The following RBFOX1 variants were observed in gnomAD, a reference collection of about 807,000 sequenced individuals.
RBFOX1 encodes RNA binding protein fox-1 homolog 1.
Under a neutral mutation model 57.7 loss-of-function variants are expected in RBFOX1, and 8 were observed. The observed-to-expected ratio is 0.14, with a 90% CI of 0.08 to 0.25. The LOEUF (loss-of-function observed/expected upper bound fraction) is 0.25, where lower values mean the gene tolerates loss of function less well. RBFOX1 is among the 10% of genes least tolerant of loss of function. The pLI is 1.00. For missense variants in RBFOX1, 611 were observed against 548.5 expected, an observed-to-expected ratio of 1.11 and a Z score of -1.14; for synonymous variants, 326 against 222.4, an observed-to-expected ratio of 1.47 and a Z score of -4.15.
chr16:6,859,174 T>TACGTATATATATATGTATATATATAC (rs778753196), intron 3 of RBFOX1, among the ~76,000 whole-genome samples: 1 of 65,104 alleles, frequency 1.5e-5, no homozygotes, highest in African/African-American at 8.6e-5. Flanking sequence ...CGTATATATA[T>TACGTATATATATATGTATATATATAC]GTATATATAT....
At chr16:5,681,162 C>T (rs28376685) in intron 3 of RBFOX1, among the ~76,000 whole-genome samples, 33,015 of 151,338 alleles carry the variant, frequency 0.22, 4,142 homozygotes, top group East Asian at 0.57. Context: ...CAAGCTCCAC[C>T]TCCTGGGTTC....
intron 4 of RBFOX1, among the ~76,000 whole-genome samples, chr16:7,437,669 G>C (rs1203401247): frequency 2.0e-5 from 3 of 152,062 alleles, no homozygotes; most frequent in Admixed American, 2.0e-4. Context: ...GATTAAGGCC[G>C]GAGTAGGCAA....
At chr16:7,333,071 C>T (rs765010942) in intron 4 of RBFOX1, 4 of 1,613,758 alleles carry the variant, frequency 2.5e-6, no homozygotes, top group African/African-American at 1.3e-5. Context: ...AGCTCCTTAC[C>T]TTCCTGGACT....
intron 14 of RBFOX1, among the ~76,000 whole-genome samples, chr16:7,685,831 A>G (rs2075950605): frequency 6.6e-6 from 1 of 152,054 alleles, no homozygotes. Flanking sequence ...CAAGATTTGA[A>G]ATCAGATCTT....
chr16:6,409,967 A>G (rs2093404311), intron 2 of RBFOX1, among the ~76,000 whole-genome samples: 1 of 152,070 alleles, frequency 6.6e-6, no homozygotes, highest in Non-Finnish European at 1.5e-5. Flanking sequence ...AAAATCAGCC[A>G]CTGCCAGAGG....
intron 4 of RBFOX1, among the ~76,000 whole-genome samples, chr16:7,131,702 C>G (rs999296870): frequency 6.6e-6 from 1 of 151,846 alleles, no homozygotes; most frequent in Non-Finnish European, 1.5e-5. Context: ...GACAGTAAGC[C>G]AAGCATAACC....
At chr16:5,744,064 G>T (rs2052880688) in intron 3 of RBFOX1, among the ~76,000 whole-genome samples, 2 of 152,060 alleles carry the variant, frequency 1.3e-5, no homozygotes, top group Non-Finnish European at 2.9e-5. Context: ...GGTCTGGGCT[G>T]GGAAGTGCTT....
At chr16:6,431,021 C>G (rs2094066535) in intron 2 of RBFOX1, among the ~76,000 whole-genome samples, 2 of 151,356 alleles carry the variant, frequency 1.3e-5, no homozygotes, top group African/African-American at 4.9e-5. Context: ...ACCTGTAGTC[C>G]CAGCTACTTG....
intron 4 of RBFOX1, among the ~76,000 whole-genome samples, chr16:5,921,225 A>G (rs1240265793): frequency 6.6e-6 from 1 of 152,236 alleles, no homozygotes; most frequent in Non-Finnish European, 1.5e-5. Flanking sequence ...ATTCTAGCTC[A>G]TAATGAGCTT....
intron 3 of RBFOX1, among the ~76,000 whole-genome samples, chr16:6,917,729 G>T (rs568183319): frequency 6.6e-6 from 1 of 152,130 alleles, no homozygotes; most frequent in Non-Finnish European, 1.5e-5. Context: ...TGGGAACCTC[G>T]GCATTCCAAG....
At chr16:5,476,847 G>A (rs184379677) in intron 2 of RBFOX1, among the ~76,000 whole-genome samples, 20 of 152,174 alleles carry the variant, frequency 1.3e-4, no homozygotes, top group Admixed American at 1.3e-3. Context: ...GCGTCTTCCA[G>A]GCAGCCCTCC....
At chr16:5,759,434 A>G (rs915188051) in intron 3 of RBFOX1, among the ~76,000 whole-genome samples, 4 of 152,170 alleles carry the variant, frequency 2.6e-5, no homozygotes, top group African/African-American at 9.7e-5. Context: ...TCCTCACATC[A>G]TGTGTTGACA....
At chr16:5,843,702 C>T (rs1567614970) in intron 3 of RBFOX1, among the ~76,000 whole-genome samples, 1 of 152,194 alleles carries the variant, frequency 6.6e-6, no homozygotes, top group East Asian at 1.9e-4. Context: ...GATGAAAAAA[C>T]AGAGGTCCGG....
At chr16:6,798,399 C>A (rs1396707934) in intron 3 of RBFOX1, among the ~76,000 whole-genome samples, 1 of 152,166 alleles carries the variant, frequency 6.6e-6, no homozygotes, top group Admixed American at 6.5e-5. Context: ...GAAGTAGAGG[C>A]TATCACCAGG....
At chr16:6,207,863 A>T (rs1396270816) in intron 1 of RBFOX1, among the ~76,000 whole-genome samples, 1 of 152,062 alleles carries the variant, frequency 6.6e-6, no homozygotes, top group Non-Finnish European at 1.5e-5. Flanking sequence ...AATTAAAAAA[A>T]AATTTTTTTC....
intron 3 of RBFOX1, among the ~76,000 whole-genome samples, chr16:6,698,965 T>C (rs2061444923): frequency 6.6e-6 from 1 of 152,182 alleles, no homozygotes; most frequent in Non-Finnish European, 1.5e-5. Flanking sequence ...CAAGGGGTGA[T>C]GATTGTGAAA....
At chr16:7,175,964 T>C (rs532989123) in intron 4 of RBFOX1, among the ~76,000 whole-genome samples, 66 of 152,172 alleles carry the variant, frequency 4.3e-4, no homozygotes, top group Non-Finnish European at 5.9e-5. Flanking sequence ...AAGCTGTAAA[T>C]GCAGAAACTT....
At chr16:7,288,242 C>T (rs1431687557) in intron 4 of RBFOX1, among the ~76,000 whole-genome samples, 1 of 152,196 alleles carries the variant, frequency 6.6e-6, no homozygotes, top group South Asian at 2.1e-4. Context: ...AGAATCCACT[C>T]TCAGAGAACT....
In RBFOX1 at chr16:7,232,594, C is replaced by T. The variant is rs77415496; in HGVS notation, c.27+180496C>T. Reference sequence around the variant, plus strand: ...AAGCGGCTCATGCCTGTAATCCCAGCGCTTTGGGAGGCCGAAGCGGGTGGA... The same window carrying T: ...AAGCGGCTCATGCCTGTAATCCCAGTGCTTTGGGAGGCCGAAGCGGGTGGA... On this transcript the variant is annotated intron_variant, in intron 4 of 15. Transcript: ENST00000550418. 2.5e-3 allele frequency among the ~76,000 whole-genome samples: 375 copies of T among 152,172 alleles called. 13 individuals carry two copies. The East Asian group carries it at 0.062, about 25-fold the overall frequency.
Sources: allele counts gnomAD v4.1 joint callset (sites outside exome capture counted in the v4.1 genomes callset), GRCh38; gene constraint gnomAD v4.1.1; transcripts MANE v1.5; gene names NCBI Gene and HGNC (gene_info 2026-07-23, HGNC 2026-07-21).